The following GOLGA6L2 variants were observed in gnomAD, a reference collection of about 807,000 sequenced individuals.
GOLGA6L2 encodes golgin subfamily A member 6-like protein 2.
In GOLGA6L2, 30 loss-of-function variants were observed where a neutral mutation model predicts 35.9. The ratio of observed to expected loss-of-function variants is 0.83; its 90% CI spans 0.62 to 1.13. The LOEUF is 1.13. GOLGA6L2 is among the 50% of genes most tolerant of loss of function. The pLI is 0.00. For missense variants in GOLGA6L2, 821 were observed against 973.4 expected, an observed-to-expected ratio of 0.84 and a Z score of 2.08; for synonymous variants, 297 against 344.0, an observed-to-expected ratio of 0.86 and a Z score of 1.51.
At chr15:23,442,744 G>A (rs867192252) in intron 5 of GOLGA6L2, among the ~76,000 whole-genome samples, 39 of 151,702 alleles carry the variant, frequency 2.6e-4, no homozygotes, top group African/African-American at 8.5e-4. Flanking sequence ...GTGCAATGGC[G>A]CAATCTCGCC....
At chr15:23,444,579 G>T (rs1886737476) in intron 2 of GOLGA6L2, 79 bp from the exon 3 acceptor site, 3 of 1,324,912 alleles carry the variant, frequency 2.3e-6, no homozygotes, top group Non-Finnish European at 3.2e-6. Context: ...GGTACGCAGG[G>T]GTCAGGAATG....
Position 23,439,437 on chromosome 15 carries a change from ATTTTC to A in GOLGA6L2, c.*303_*307del. 2 of 579,156 alleles carry A rather than the reference ATTTTC, an allele frequency of 3.5e-6. No individual in the cohort carries two copies. The highest frequency in any genetic ancestry group is 2.6e-6 in the Non-Finnish European group (1 of 380,680). 35.9% of individuals were successfully genotyped at this position (579,156 alleles called of 1,614,324 possible). ...AGTATTTTACCACAATTTAAAGTAA[ATTTTC>A]TTTTCTTTTTTTTTTTTTTTTTCAA... is the stretch of plus-strand genomic sequence containing the variant. On this transcript the variant is annotated 3_prime_UTR_variant, in exon 8 of 8. Coordinates refer to ENST00000567107, the MANE Select transcript of GOLGA6L2 (RefSeq NM_001304388.2).
chr15:23,446,333 A>G (rs1020142291), intron 1 of GOLGA6L2, among the ~76,000 whole-genome samples: 1 of 152,114 alleles, frequency 6.6e-6, no homozygotes, highest in Non-Finnish European at 1.5e-5. Context: ...CAAACTGTCA[A>G]TGTCTGTGTT....
chr15:23,444,114 A>T, intron 4 of GOLGA6L2, 41 bp from the exon 5 acceptor site: 1 of 1,594,624 alleles, frequency 6.3e-7, no homozygotes, highest in Non-Finnish European at 8.5e-7. Flanking sequence ...AGAGAAGCAA[A>T]AAAACCTTCT....
Position 23,441,520 on chromosome 15 carries a change from G to C in GOLGA6L2, c.955C>G (p.Gln319Glu). ...TCCTGCTCTCGCAGCCTCTTCTCCT[G>C]TCTCCGCATCTTCTCCTCCTGCTCC... ...MREQEEKMRRQEKRLREQEKE... is the reference protein window; with the variant it reads ...MREQEEKMRREEKRLREQEKE... The change falls in exon 8 of 8, where the codon CAG becomes GAG. Residue 319 changes from glutamine (Q) to glutamate (E), a missense_variant. Transcript: ENST00000567107. 1 of 1,382,224 alleles carries C rather than the reference G, an allele frequency of 7.2e-7. No individual in the cohort carries two copies. The highest frequency in any genetic ancestry group is 9.7e-7 in the Non-Finnish European group (1 of 1,032,402). The allele number at this position is 1,382,224 out of a possible 1,614,324, so 85.6% of individuals were successfully genotyped here. A position where few individuals can be genotyped will look rare whatever the true frequency, so the allele number is the denominator to read the frequency against.
Position 23,441,969 on chromosome 15 carries a change from A to G in GOLGA6L2, c.792+10T>C. ...GGTCTCCCACAACCCCTGGGGCTGC[A>G]GCCGCTCACCTGTGGCAGCAGGAAC... On this transcript the variant is annotated intron_variant, in intron 7 of 7. Coordinates refer to ENST00000567107, the MANE Select transcript of GOLGA6L2 (RefSeq NM_001304388.2). The G allele has an allele frequency of 1.9e-6, 3 of 1,542,634 alleles. No individual in the cohort carries two copies. The South Asian group carries it at 3.6e-5, about 18-fold the overall frequency.
chr15:23,439,477 C>G lies in GOLGA6L2; in HGVS notation c.*268G>C. The G allele has an allele frequency of 1.9e-6, 1 of 534,260 alleles. No individual in the cohort carries two copies. Among genetic ancestry groups the G allele is most frequent in the Non-Finnish European group, 3.0e-6 (1 of 334,700 alleles). The allele number at this position is 534,260 out of a possible 1,614,324, so 33.1% of individuals were successfully genotyped here. ...TTTTTTTTTTTTTCAAGTTTGTGCTCAGACTATATTCACACAGTGACATGG... is the reference window on the plus strand; with the variant it reads ...TTTTTTTTTTTTTCAAGTTTGTGCTGAGACTATATTCACACAGTGACATGG... On this transcript the variant is annotated 3_prime_UTR_variant, in exon 8 of 8. Coordinates refer to ENST00000567107, the MANE Select transcript of GOLGA6L2 (RefSeq NM_001304388.2).
intron 4 of GOLGA6L2, 43 bp downstream of exon 4, chr15:23,444,119 C>T (rs2070730550): frequency 1.9e-6 from 3 of 1,596,328 alleles, no homozygotes; most frequent in East Asian, 4.5e-5. Context: ...AGCAAAAAAA[C>T]CTTCTCCAGA....
chr15:23,440,731 C>CTCCCACATCCTCTCCTTCTGG lies in GOLGA6L2; in HGVS notation c.1743_1744insCCAGAAGGAGAGGATGTGGGA (p.Gly581_Ala582insProGluGlyGluAspValGly), dbSNP rs2070661568. 1.3e-6 allele frequency: 2 copies of CTCCCACATCCTCTCCTTCTGG among 1,511,004 alleles called. No individual in the cohort carries two copies. The highest frequency in any genetic ancestry group is 2.8e-5 in the African/African-American group (2 of 70,782). 93.6% of individuals were successfully genotyped at this position (1,511,004 alleles called of 1,614,324 possible). A position where few individuals can be genotyped will look rare whatever the true frequency, so the allele number is the denominator to read the frequency against. On this transcript the variant is annotated inframe_insertion, in exon 8 of 8. Transcript: ENST00000567107. The stretch of plus-strand genomic sequence containing the variant: ...CCTTCTCCCGCAGCCTCTCGTCCTG[C>CTCCCACATCCTCTCCTTCTGG]TCCCACATCCTCTCCTCCTGGTCCC...
At chr15:23,446,323 C>A (rs1298506533) in intron 1 of GOLGA6L2, among the ~76,000 whole-genome samples, 3 of 152,142 alleles carry the variant, frequency 2.0e-5, no homozygotes, top group African/African-American at 7.2e-5. Flanking sequence ...GTAGGCTTTT[C>A]AAACTGTCAA....
At position 23,443,919 on chromosome 15, in the gene GOLGA6L2, C is replaced by T; in HGVS notation, c.449G>A (p.Ser150Asn). The T allele has an allele frequency of 6.5e-7, 1 of 1,550,350 alleles. No homozygotes were observed. Residue 150 changes from serine to asparagine, a missense_variant, in exon 5 of 8, where the codon AGT becomes AAT. Coordinates refer to ENST00000567107, the MANE Select transcript of GOLGA6L2 (RefSeq NM_001304388.2). ...AGAGGTTGAGACACAGCCCAAAGGA[C>T]TCCCCCTAAAGGCCTGTGAAAGTGC... Reference protein sequence around the residue: ...NLALSQAFRGSPLGCVSTSLI... With the variant: ...NLALSQAFRGNPLGCVSTSLI...
chr15:23,443,824 G>GT lies in GOLGA6L2; in HGVS notation c.543dup (p.Gln182ThrfsTer40), dbSNP rs1165396422. ...GTGGACACAGCAGAGAGAGCCCGCT[G>GT]TAACTCTCCTGCAAAGTGCCAGGAA... On this transcript the variant is annotated frameshift_variant, in exon 5 of 8. Transcript: ENST00000567107. LOFTEE classifies it high-confidence loss of function. 1.9e-6 allele frequency: 3 copies of GT among 1,539,904 alleles called. No individual in the cohort carries two copies. The highest frequency in any genetic ancestry group is 2.7e-5 in the African/African-American group (2 of 73,130).
Position 23,442,396 on chromosome 15 carries a change from C to T in GOLGA6L2, c.650+54G>A. 3.9e-6 allele frequency: 6 copies of T among 1,537,306 alleles called. No individual in the cohort carries two copies. In the South Asian group the frequency reaches 7.0e-5, roughly 18 times the overall value. The stretch of plus-strand genomic sequence containing the variant: ...CACCTGTACCCCCCACCTCCCAGCA[C>T]ACCACCCACGCTAAGGGCCCCCAGA... On this transcript the variant is annotated intron_variant, in intron 6 of 7. Transcript: ENST00000567107.
intron 3 of GOLGA6L2, 86 bp from the exon 4 acceptor site, chr15:23,444,298 C>A: frequency 2.6e-6 from 4 of 1,516,376 alleles, no homozygotes; most frequent in Non-Finnish European, 3.6e-6. Context: ...CACCAATGCC[C>A]CAGGACAGGC....
chr15:23,444,436 C>CGTGAGCA (rs1886732251), intron 3 of GOLGA6L2, 35 bp downstream of exon 3: 1 of 1,599,590 alleles, frequency 6.3e-7, no homozygotes, highest in South Asian at 1.1e-5. Context: ...CCTCCAAACC[C>CGTGAGCA]AGCAGTCATG....
intron 6 of GOLGA6L2, 93 bp downstream of exon 6, chr15:23,442,357 C>T: frequency 3.3e-6 from 3 of 902,984 alleles, no homozygotes; most frequent in South Asian, 2.8e-5. Context: ...ACCTGTATGA[C>T]CCCCTACCAT....
intron 6 of GOLGA6L2, 109 bp from the exon 7 acceptor site, chr15:23,442,229 G>A (rs914172815): frequency 1.4e-5 from 18 of 1,317,316 alleles, no homozygotes; most frequent in Middle Eastern, 2.6e-4. Context: ...GCACTGGAAG[G>A]GACCCCAGGA....
chr15:23,442,179 G>C lies in GOLGA6L2; in HGVS notation c.651-59C>G, dbSNP rs1222834026. On this transcript the variant is annotated intron_variant, in intron 6 of 7. Coordinates refer to ENST00000567107, the MANE Select transcript of GOLGA6L2 (RefSeq NM_001304388.2). The stretch of plus-strand genomic sequence containing the variant: ...GAAGAACAGAAAGGACTGCTTTGGT[G>C]ATCAACCCTCTACTCTCGCCCCACA... The C allele has an allele frequency of 9.1e-6, 14 of 1,530,764 alleles. No homozygotes were observed. In the East Asian group the frequency reaches 3.2e-4, roughly 35 times the overall value. 94.8% of individuals were successfully genotyped at this position (1,530,764 alleles called of 1,614,324 possible).
chr15:23,440,730 G>A lies in GOLGA6L2; in HGVS notation c.1745C>T (p.Ala582Val). The change falls in exon 8 of 8, where the codon GCA becomes GTA. Residue 582 changes from alanine to valine, a missense_variant. Physicochemically the swap from Ala to Val is moderately conservative, Grantham distance 64. Transcript: ENST00000567107. ...TCCTTCTCCCGCAGCCTCTCGTCCT[G>A]CTCCCACATCCTCTCCTCCTGGTCC... ...DVGPGGEDVGAGREAAGEGGE... is the reference protein window; with the variant it reads ...DVGPGGEDVGVGREAAGEGGE... 1 of 1,512,216 alleles carries A rather than the reference G, an allele frequency of 6.6e-7. No homozygotes were observed. Among genetic ancestry groups the A allele is most frequent in the Non-Finnish European group, 8.9e-7 (1 of 1,126,894 alleles). The allele number at this position is 1,512,216 out of a possible 1,614,324, so 93.7% of individuals were successfully genotyped here.
Sources: gnomAD v4.1 joint callset for allele counts (sites outside exome capture counted in the v4.1 genomes callset) on GRCh38, gnomAD v4.1.1 for gene constraint, MANE v1.5 for transcripts, NCBI Gene and HGNC (gene_info 2026-07-23, HGNC 2026-07-21) for gene names.